The following PREX2 variants were observed in gnomAD, a reference collection of about 807,000 sequenced individuals.
The protein encoded by PREX2 is phosphatidylinositol-3,4,5-trisphosphate dependent Rac exchange factor 2.
A neutral mutation model predicts 203.2 loss-of-function variants in PREX2; 107 were observed. The ratio of observed to expected loss-of-function variants is 0.53; its 90% CI spans 0.45 to 0.62. The LOEUF (loss-of-function observed/expected upper bound fraction) is 0.62. PREX2 is among the 20% of genes least tolerant of loss of function. The pLI is 0.00. For missense variants in PREX2, 1,777 were observed against 1,955.9 expected (o/e 0.91, Z 1.72); for synonymous variants, 672 against 663.6 (o/e 1.01, Z -0.19).
chr8:68,050,936 A>G (rs1808510899), intron 8 of PREX2, among the ~76,000 whole-genome samples: 1 of 152,132 alleles, frequency 6.6e-6, no homozygotes, highest in Non-Finnish European at 1.5e-5. Context: ...ATAGTGGAAA[A>G]TAGAACGAGT....
At chr8:68,199,620 TG>T (rs1416901155) in intron 37 of PREX2, among the ~76,000 whole-genome samples, 2 of 152,234 alleles carry the variant, frequency 1.3e-5, no homozygotes, top group East Asian at 3.8e-4. Context: ...ATATGGTTAA[TG>T]GAACAGTTTT....
At chr8:68,185,471 C>G (rs1477348944) in intron 35 of PREX2, among the ~76,000 whole-genome samples, 1 of 152,184 alleles carries the variant, frequency 6.6e-6, no homozygotes, top group African/African-American at 2.4e-5. Flanking sequence ...GCGTCAAAGT[C>G]TAACTCCTAT....
At chr8:68,161,601 T>G (rs1299955328) in intron 35 of PREX2, among the ~76,000 whole-genome samples, 1 of 152,122 alleles carries the variant, frequency 6.6e-6, no homozygotes, top group Non-Finnish European at 1.5e-5. Flanking sequence ...CTTCTACAGC[T>G]TGCTTAAAAC....
chr8:68,036,039 G>A (rs1808019070), intron 6 of PREX2, among the ~76,000 whole-genome samples: 1 of 152,150 alleles, frequency 6.6e-6, no homozygotes, highest in African/African-American at 2.4e-5. Flanking sequence ...CCTTAAAGAG[G>A]TCAGTCAATC....
intron 35 of PREX2, among the ~76,000 whole-genome samples, chr8:68,163,405 A>G (rs868617186): frequency 2.3e-4 from 35 of 152,320 alleles, no homozygotes; most frequent in African/African-American, 8.2e-4. Context: ...TTTTTAAAGA[A>G]TGAATTTGGG....
At chr8:67,960,582 G>A (rs1805608157) in intron 1 of PREX2, among the ~76,000 whole-genome samples, 2 of 152,264 alleles carry the variant, frequency 1.3e-5, no homozygotes, top group South Asian at 2.1e-4. Flanking sequence ...GGAGCCACCA[G>A]GGAGGGATGG....
chr8:67,956,245 C>T (rs4400361), intron 1 of PREX2, among the ~76,000 whole-genome samples: 33,629 of 152,198 alleles, frequency 0.22, 4,801 homozygotes, highest in East Asian at 0.54. Flanking sequence ...TAGTAAGTTA[C>T]AACCTGTTTC....
intron 1 of PREX2, among the ~76,000 whole-genome samples, chr8:68,002,257 C>T (rs1191365012): frequency 1.3e-5 from 2 of 151,484 alleles, no homozygotes; most frequent in African/African-American, 2.4e-5. Flanking sequence ...AAGTGATTCT[C>T]ATGCCTCAGC....
intron 1 of PREX2, among the ~76,000 whole-genome samples, chr8:67,954,527 C>G (rs537714245): frequency 2.7e-4 from 41 of 152,192 alleles, no homozygotes; most frequent in African/African-American, 9.6e-4. Flanking sequence ...CTATGCAAAC[C>G]CTTTGGCCTG....
At chr8:68,101,173 G>A (rs1351538565) in intron 23 of PREX2, among the ~76,000 whole-genome samples, 2 of 152,008 alleles carry the variant, frequency 1.3e-5, no homozygotes, top group African/African-American at 4.8e-5. Context: ...AAGTATATGT[G>A]TTTTATGTTC....
intron 35 of PREX2, among the ~76,000 whole-genome samples, chr8:68,189,763 G>A (rs1812257101): frequency 6.6e-6 from 1 of 152,154 alleles, no homozygotes; most frequent in African/African-American, 2.4e-5. Context: ...CTTAGGCTGA[G>A]GGAACTGCAG....
chr8:68,023,812 G>C (rs759543786), intron 4 of PREX2, among the ~76,000 whole-genome samples: 2 of 151,840 alleles, frequency 1.3e-5, no homozygotes, highest in African/African-American at 2.4e-5. Context: ...ACTGGCTTTT[G>C]TTTATTGATC....
intron 1 of PREX2, among the ~76,000 whole-genome samples, chr8:67,985,299 A>G (rs1293870395): frequency 6.6e-6 from 1 of 152,154 alleles, no homozygotes; most frequent in Non-Finnish European, 1.5e-5. Context: ...GTAAAGTAGT[A>G]GCTTCGTGGG....
chr8:68,097,176 A>G lies in PREX2; in HGVS notation c.2528A>G (p.Lys843Arg). 1.2e-6 allele frequency: 2 copies of G among 1,613,424 alleles called. No individual in the cohort carries two copies. The highest frequency in any genetic ancestry group is 1.3e-5 in the African/African-American group (1 of 75,022). The change falls in exon 22 of 40, where the codon AAA becomes AGA. Residue 843 changes from lysine to arginine, a missense_variant. Lys to Arg is a conservative substitution (Grantham distance 26). Coordinates refer to ENST00000288368, the MANE Select transcript of PREX2 (RefSeq NM_024870.4). ...CNVVEKMIEP[K>R]GFFSLTAKIL... ...GTGGTGGAAAAGATGATTGAGCCCA[A>G]AGGTTTCTTCAGCTTAACTGCCAAG...
chr8:67,987,619 T>A (rs575373130), intron 1 of PREX2, among the ~76,000 whole-genome samples: 1 of 152,282 alleles, frequency 6.6e-6, no homozygotes, highest in South Asian at 2.1e-4. Context: ...TGATCATCTG[T>A]CCTCACACAG....
At chr8:68,134,310 C>A in intron 32 of PREX2, 34 bp downstream of exon 32, 1 of 1,473,148 alleles carries the variant, frequency 6.8e-7, no homozygotes, top group South Asian at 1.1e-5. Context: ...CTGTCTGTGT[C>A]AACTGTAACC....
At chr8:68,023,126 T>C (rs1807618132) in intron 4 of PREX2, among the ~76,000 whole-genome samples, 1 of 152,218 alleles carries the variant, frequency 6.6e-6, no homozygotes, top group Non-Finnish European at 1.5e-5. Context: ...CTAATGTTTT[T>C]ATTCTTTTGG....
At chr8:68,139,710 A>G (rs549579925) in intron 33 of PREX2, among the ~76,000 whole-genome samples, 5 of 152,316 alleles carry the variant, frequency 3.3e-5, no homozygotes, top group African/African-American at 1.2e-4. Flanking sequence ...AGCAATGTCA[A>G]TGCTGTTTAA....
At chr8:68,193,105 A>C (rs1812329073) in intron 37 of PREX2, among the ~76,000 whole-genome samples, 1 of 152,230 alleles carries the variant, frequency 6.6e-6, no homozygotes, top group Non-Finnish European at 1.5e-5. Context: ...GATGACAGGC[A>C]TAAAAATTCC....
Sources: gnomAD v4.1 joint callset for allele counts (sites outside exome capture counted in the v4.1 genomes callset) on GRCh38, gnomAD v4.1.1 for gene constraint, MANE v1.5 for transcripts, NCBI Gene and HGNC (gene_info 2026-07-23, HGNC 2026-07-21) for gene names.